Variants in DNAH7 observed in about 807,000 individuals in gnomAD.
The protein encoded by DNAH7 is axonemal beta dynein heavy chain 7.
A neutral mutation model predicts 444.6 loss-of-function variants in DNAH7; 397 were observed. The observed-to-expected ratio is 0.89, with a 90% CI of 0.82 to 0.97. The LOEUF is 0.97. DNAH7 is among the 50% of genes least tolerant of loss of function. DNAH7 has a pLI of 0.00. For synonymous variants in DNAH7, 1,636 were observed against 1,624.4 expected (o/e 1.01, Z -0.17); for missense variants, 4,902 against 4,800.8 (o/e 1.02, Z -0.62).
intron 64 of DNAH7, among the ~76,000 whole-genome samples, chr2:195,739,389 A>G (rs1159799437): frequency 6.6e-6 from 1 of 152,178 alleles, no homozygotes; most frequent in Non-Finnish European, 1.5e-5. Context: ...GAATCCTGCA[A>G]AGAAAATTCA....
intron 10 of DNAH7, among the ~76,000 whole-genome samples, chr2:196,007,906 A>C (rs1036120499): frequency 2.0e-5 from 3 of 152,194 alleles, no homozygotes; most frequent in Non-Finnish European, 4.4e-5. Flanking sequence ...CAAAAGGCAC[A>C]AACAACCAAA....
chr2:195,948,696 C>T (rs1689999265), intron 19 of DNAH7, among the ~76,000 whole-genome samples: 1 of 152,162 alleles, frequency 6.6e-6, no homozygotes, highest in Admixed American at 6.5e-5. Flanking sequence ...TTACTGTAGC[C>T]TTGTAGTATA....
chr2:195,810,163 CTG>C (rs1696897100), intron 51 of DNAH7, among the ~76,000 whole-genome samples: 1 of 151,908 alleles, frequency 6.6e-6, no homozygotes. Flanking sequence ...AGTTTACAGA[CTG>C]TTTTTATCTA....
chr2:196,068,814 G>C lies in DNAH7; in HGVS notation c.-103C>G. 9 of 1,443,202 alleles carry C rather than the reference G, an allele frequency of 6.2e-6. No individual in the cohort carries two copies. Among genetic ancestry groups the C allele is most frequent in the Non-Finnish European group, 8.5e-6 (9 of 1,061,694 alleles). The allele number at this position is 1,443,202 out of a possible 1,614,324, so 89.4% of individuals were successfully genotyped here. On this transcript the variant is annotated 5_prime_UTR_variant, in exon 1 of 65. Coordinates refer to ENST00000312428, the MANE Select transcript of DNAH7 (RefSeq NM_018897.3). ...GGCCCCGGGACTTGCAGCGGTCTCA[G>C]CTCCCTCCGCACCAGAGCCGTCTAG...
chr2:195,988,086 A>G lies in DNAH7; in HGVS notation c.1497T>C (p.Phe499=), dbSNP rs1693046263. Residue 499 remains phenylalanine (F), a synonymous_variant, in exon 13 of 65, where the codon TTT becomes TTC. Coordinates refer to ENST00000312428, the MANE Select transcript of DNAH7 (RefSeq NM_018897.3). ...EHLRLYDKYD[F]LITRKAERDV... ...CTCGCTCAGCTTTTCTGGTAATTAA[A>G]AAGTCATACTTGTCATAGAGTCTGA... 1.9e-6 allele frequency: 3 copies of G among 1,613,736 alleles called. No individual in the cohort carries two copies. Among genetic ancestry groups the G allele is most frequent in the African/African-American group, 1.3e-5 (1 of 75,018 alleles).
chr2:195,817,738 T>G lies in DNAH7; in HGVS notation c.9383A>C (p.Glu3128Ala). The G allele has an allele frequency of 6.2e-7, 1 of 1,613,208 alleles. No homozygotes were observed. The highest frequency in any genetic ancestry group is 1.1e-5 in the South Asian group (1 of 90,880). ...VVAQERPDLE[E>A]EKQALILQGA... Reference sequence around the variant, plus strand: ...TTGTAATATCAAGGCTTGCTTTTCTTCTTCAAGGTCTGGCCTTTCTTGTGC... The same window carrying G: ...TTGTAATATCAAGGCTTGCTTTTCTGCTTCAAGGTCTGGCCTTTCTTGTGC... Residue 3128 changes from glutamate to alanine, a missense_variant, in exon 50 of 65, where the codon GAA becomes GCA. Coordinates refer to ENST00000312428, the MANE Select transcript of DNAH7 (RefSeq NM_018897.3).
chr2:195,788,177 G>C (rs933451833), intron 57 of DNAH7, among the ~76,000 whole-genome samples: 5 of 152,318 alleles, frequency 3.3e-5, no homozygotes, highest in African/African-American at 1.2e-4. Flanking sequence ...GAGAGCTGTA[G>C]GCAATAGCAG....
At chr2:195,959,700 A>G (rs1437968585) in intron 18 of DNAH7, among the ~76,000 whole-genome samples, 2 of 152,238 alleles carry the variant, frequency 1.3e-5, no homozygotes, top group African/African-American at 4.8e-5. Context: ...AACTGGAAAC[A>G]TTGACAGACA....
At chr2:195,873,794 A>G (rs1004617471) in intron 38 of DNAH7, 100 bp from the exon 39 acceptor site, 227 of 849,278 alleles carry the variant, frequency 2.7e-4, no homozygotes, top group Admixed American at 9.6e-4. Context: ...AGATGGACAA[A>G]TTCACGGCAC....
chr2:195,901,175 T>C (rs1310622753), intron 27 of DNAH7: 2 of 152,060 alleles, frequency 1.3e-5, no homozygotes, highest in African/African-American at 2.4e-5. Context: ...ACAGAAAAAG[T>C]ATATATGTGA....
intron 63 of DNAH7, among the ~76,000 whole-genome samples, chr2:195,744,269 G>C (rs1423893085): frequency 1.3e-5 from 2 of 152,210 alleles, no homozygotes; most frequent in Non-Finnish European, 1.5e-5. Flanking sequence ...TGCTAGCACA[G>C]CAGTCTGAGA....
chr2:195,954,497 T>C (rs1196812918), intron 19 of DNAH7, among the ~76,000 whole-genome samples: 1 of 152,218 alleles, frequency 6.6e-6, no homozygotes, highest in African/African-American at 2.4e-5. Flanking sequence ...TACATATGCA[T>C]GTGTTTTTAT....
At chr2:195,873,240 G>A (rs527977192) in intron 39 of DNAH7, among the ~76,000 whole-genome samples, 3 of 152,292 alleles carry the variant, frequency 2.0e-5, no homozygotes, top group East Asian at 3.9e-4. Context: ...ACTTGGACAC[G>A]AATACCCCTG....
intron 28 of DNAH7, among the ~76,000 whole-genome samples, chr2:195,900,010 T>A (rs1296371422): frequency 6.6e-6 from 1 of 152,188 alleles, no homozygotes; most frequent in Admixed American, 6.6e-5. Context: ...ACTGAGAGCA[T>A]TCAAAACATT....
In DNAH7 at chr2:195,990,008, T is replaced by C. The variant is rs76602282; in HGVS notation, c.1354-1779A>G. Among the ~76,000 whole-genome samples, 337 of 152,348 alleles carry C rather than the reference T, an allele frequency of 2.2e-3. 1 individual carries two copies. The highest frequency in any genetic ancestry group is 6.0e-3 in the African/African-American group (248 of 41,582). On this transcript the variant is annotated intron_variant, in intron 12 of 64. Transcript: ENST00000312428. ...GAATGACCTGTCACAGATGTACAGT[T>C]TGCAAATTTTTTATCCCATTATGTG...
chr2:195,914,197 G>A (rs886776849), intron 24 of DNAH7, among the ~76,000 whole-genome samples: 1 of 152,200 alleles, frequency 6.6e-6, no homozygotes, highest in Non-Finnish European at 1.5e-5. Context: ...ACTGAAAAAT[G>A]TTTAAATACA....
intron 47 of DNAH7, among the ~76,000 whole-genome samples, chr2:195,837,255 T>C (rs1185018716): frequency 6.6e-6 from 1 of 152,200 alleles, no homozygotes; most frequent in Non-Finnish European, 1.5e-5. Context: ...AGCTTGAAAT[T>C]CTCTAAGAGA....
At chr2:195,967,663 T>C (rs1691572582) in intron 17 of DNAH7, among the ~76,000 whole-genome samples, 1 of 152,232 alleles carries the variant, frequency 6.6e-6, no homozygotes, top group African/African-American at 2.4e-5. Context: ...TTTAAATATG[T>C]CATGCCATTG....
chr2:195,960,497 A>G lies in DNAH7; in HGVS notation c.2654T>C (p.Ile885Thr). 1 of 1,614,192 alleles carries G rather than the reference A, an allele frequency of 6.2e-7. No individual in the cohort carries two copies. Among genetic ancestry groups the G allele is most frequent in the South Asian group, 1.1e-5 (1 of 91,084 alleles). The stretch of plus-strand genomic sequence containing the variant: ...TTCACTAATACCTTCAAATCGGTCT[A>G]TATATGGTTCCAGATTCATGTCTAA... The part of the protein sequence containing the change: ...SFLDMNLEPY[I>T]DRFEGISEAA... The change falls in exon 18 of 65, where the codon ATA becomes ACA. Residue 885 changes from isoleucine to threonine, a missense_variant. Physicochemically the swap from Ile to Thr is moderately conservative, Grantham distance 89. Transcript: ENST00000312428.
Sources: gnomAD v4.1 joint callset for allele counts (sites outside exome capture counted in the v4.1 genomes callset) on GRCh38, gnomAD v4.1.1 for gene constraint, MANE v1.5 for transcripts, NCBI Gene and HGNC (gene_info 2026-07-23, HGNC 2026-07-21) for gene names.